ALDH16A1: variants seen among roughly 807,000 people sequenced by gnomAD.
ALDH16A1 encodes the protein aldehyde dehydrogenase 16 family member A1.
A neutral mutation model predicts 96.1 loss-of-function variants in ALDH16A1; 88 were observed. The ratio of observed to expected loss-of-function variants is 0.92; its 90% CI spans 0.77 to 1.09. The LOEUF is 1.09. Ranked by LOEUF, ALDH16A1 falls within the 50% of genes least tolerant of loss-of-function variation. The pLI is 0.00. For missense variants in ALDH16A1, 1,250 were observed against 1,112.6 expected (o/e 1.12, Z -1.76); for synonymous variants, 522 against 496.4 (o/e 1.05, Z -0.69).
At chr19:49,462,420 C>T in intron 7 of ALDH16A1, 150 bp from the exon 8 acceptor site, 1 of 1,035,590 alleles carries the variant, frequency 9.7e-7, no homozygotes, top group Non-Finnish European at 1.4e-6. Flanking sequence ...CAGGTGTGAG[C>T]CACCGCATCC....
In ALDH16A1 at chr19:49,454,022, T is replaced by TTTTTTTGTG. The variant is rs1360770737; in HGVS notation, c.90+607_90+608insGTGTTTTTT. On this transcript the variant is annotated intron_variant, in intron 1 of 16. Coordinates refer to ENST00000293350, the MANE Select transcript of ALDH16A1 (RefSeq NM_153329.4). ...TCAGGACTTCCGGTTTGGGTTGGGT[T>TTTTTTTGTG]TTTTTTTTGTTTTTTTTTTTGAGCC... Among the ~76,000 whole-genome samples the TTTTTTTGTG allele has an allele frequency of 5.3e-4, 38 of 71,570 alleles. 4 individuals carry two copies. Among genetic ancestry groups the TTTTTTTGTG allele is most frequent in the South Asian group, 1.5e-3 (4 of 2,608 alleles). The allele number at this position is 71,570 out of a possible 152,430, so 47.0% of individuals were successfully genotyped here.
Position 49,459,662 on chromosome 19 carries a change from C to A in ALDH16A1, c.321-8C>A. The stretch of plus-strand genomic sequence containing the variant: ...TGGAAAATGAGCACCCTCTTGCTTT[C>A]TCGACAGGCTGGCCGAGGTGATCCA... On this transcript the variant is annotated splice_polypyrimidine_tract_variant and splice_region_variant and intron_variant, in intron 3 of 16. Transcript: ENST00000293350. The surrounding 1 kb of genome is among the most constrained non-coding windows in gnomAD (Gnocchi z 4.1). 1 of 1,601,174 alleles carries A rather than the reference C, an allele frequency of 6.2e-7. No individual in the cohort carries two copies. The highest frequency in any genetic ancestry group is 8.5e-7 in the Non-Finnish European group (1 of 1,173,828).
In ALDH16A1 at chr19:49,468,585, C is replaced by T; in HGVS notation, c.2124+19C>T. On this transcript the variant is annotated intron_variant, in intron 15 of 16. Transcript: ENST00000293350. This position sits in a 1 kb window ranked among gnomAD's most constrained non-coding sequence, Gnocchi z 4.4. ...CTGCCAGGTATAGCCCCCTGCCTTC[C>T]TGCCTCTCCTCCCCGTAGCCTCAGG... 1 of 1,600,010 alleles carries T rather than the reference C, an allele frequency of 6.2e-7. No homozygotes were observed. The highest frequency in any genetic ancestry group is 8.5e-7 in the Non-Finnish European group (1 of 1,178,182).
Position 49,459,685 on chromosome 19 carries a change from C to G in ALDH16A1, c.336C>G (p.Ile112Met). Residue 112 changes from isoleucine to methionine, a missense_variant, in exon 4 of 17, where the codon ATC (isoleucine) becomes ATG (methionine). Ile to Met is a conservative substitution (Grantham distance 10, BLOSUM62 1). Coordinates refer to ENST00000293350, the MANE Select transcript of ALDH16A1 (RefSeq NM_153329.4). The surrounding 1 kb of genome is among the most constrained non-coding windows in gnomAD (Gnocchi z 4.1). ...AQHLTRLAEVIQKHQRLLWTL... is the reference protein window; with the variant it reads ...AQHLTRLAEVMQKHQRLLWTL... The stretch of plus-strand genomic sequence containing the variant: ...TTCTCGACAGGCTGGCCGAGGTGAT[C>G]CAGAAGCACCAGCGGCTGCTGTGGA... The G allele has an allele frequency of 1.2e-6, 2 of 1,607,402 alleles. No homozygotes were observed. Among genetic ancestry groups the G allele is most frequent in the East Asian group, 2.2e-5 (1 of 44,652 alleles).
chr19:49,465,992 G>A (rs138122599), intron 13 of ALDH16A1, 87 bp downstream of exon 13: 3 of 1,544,234 alleles, frequency 1.9e-6, no homozygotes, highest in Non-Finnish European at 1.8e-6. Context: ...GGGAGGCTGG[G>A]CCCCCAGGGT....
chr19:49,468,115 G>A lies in ALDH16A1; in HGVS notation c.1939-266G>A, dbSNP rs1294542590. ...GCGGAGGTTGCAGTGAGCCAAGATC[G>A]CACCACTGCACTCTAGCCAGGGCGA... is the stretch of plus-strand genomic sequence containing the variant. On this transcript the variant is annotated intron_variant, in intron 14 of 16. Coordinates refer to ENST00000293350, the MANE Select transcript of ALDH16A1 (RefSeq NM_153329.4). The surrounding 1 kb of genome is among the most constrained non-coding windows in gnomAD (Gnocchi z 4.4). 6.8e-6 allele frequency among the ~76,000 whole-genome samples: 1 copy of A among 147,610 alleles called. No individual in the cohort carries two copies. The highest frequency in any genetic ancestry group is 1.5e-5 in the Non-Finnish European group (1 of 67,512).
chr19:49,461,825 C>G lies in ALDH16A1; in HGVS notation c.759+25C>G, dbSNP rs374580219. ...GGTACCTTCGGGACAGGGGTCGTGG[C>G]GGAACGCGGCTGGGGGCCGCAAGGC... On this transcript the variant is annotated intron_variant, in intron 6 of 16. Coordinates refer to ENST00000293350, the MANE Select transcript of ALDH16A1 (RefSeq NM_153329.4). 134 of 1,604,836 alleles carry G rather than the reference C, an allele frequency of 8.3e-5. No individual in the cohort carries two copies. In the African/African-American group the frequency reaches 1.6e-3, roughly 19 times the overall value.
chr19:49,462,611 A>T lies in ALDH16A1; in HGVS notation c.954A>T (p.Glu318Asp), dbSNP rs2079159689. The change falls in exon 8 of 17, where the codon GAA becomes GAT. Residue 318 changes from glutamate (E) to aspartate (D), a missense_variant. Transcript: ENST00000293350. ...TCATCCAGGAGTCTGTGTGGGATGAAGCCATGAGACGGCTGCAGGAGCGGA... is the reference window on the plus strand; with the variant it reads ...TCATCCAGGAGTCTGTGTGGGATGATGCCATGAGACGGCTGCAGGAGCGGA... ...RLLIQESVWD[E>D]AMRRLQERMG... 8 of 1,612,988 alleles carry T rather than the reference A, an allele frequency of 5.0e-6. No homozygotes were observed. Among genetic ancestry groups the T allele is most frequent in the Non-Finnish European group, 6.8e-6 (8 of 1,179,978 alleles).
Position 49,461,181 on chromosome 19 carries a change from G to A in ALDH16A1, c.577+282G>A, listed in dbSNP as rs1171047774. On this transcript the variant is annotated intron_variant, in intron 5 of 16. Coordinates refer to ENST00000293350, the MANE Select transcript of ALDH16A1 (RefSeq NM_153329.4). ...CCTGGGTCTGAGGGAGGAGGGGCTG[G>A]GGTCTGGATTCCTGGGTCTGAGGGA... is the stretch of plus-strand genomic sequence containing the variant. Among the ~76,000 whole-genome samples, 38 of 123,444 alleles carry A rather than the reference G, an allele frequency of 3.1e-4. No homozygotes were observed. The highest frequency in any genetic ancestry group is 4.1e-3 in the Middle Eastern group (1 of 244). The allele number at this position is 123,444 out of a possible 152,430, so 81.0% of individuals were successfully genotyped here. A position where few individuals can be genotyped will look rare whatever the true frequency, so the allele number is the denominator to read the frequency against.
Position 49,461,642 on chromosome 19 carries a change from C to G in ALDH16A1, c.601C>G (p.Pro201Ala), listed in dbSNP as rs1341331032. 1 of 1,597,166 alleles carries G rather than the reference C, an allele frequency of 6.3e-7. No individual in the cohort carries two copies. Among genetic ancestry groups the G allele is most frequent in the Non-Finnish European group, 8.5e-7 (1 of 1,172,564 alleles). Residue 201 changes from proline to alanine, a missense_variant, in exon 6 of 17, where the codon CCC becomes GCC. Pro to Ala is a conservative substitution (Grantham distance 27). Coordinates refer to ENST00000293350, the MANE Select transcript of ALDH16A1 (RefSeq NM_153329.4). ...AGGCTGCACCGTGGTGGCCCTCGTG[C>G]CCCCGGCCTCCCCGGCGCCCCTCCT... ...AVGCTVVALVPPASPAPLLLA... is the reference protein window; with the variant it reads ...AVGCTVVALVAPASPAPLLLA...
At position 49,464,155 on chromosome 19, in the gene ALDH16A1, C is replaced by G. The variant is rs761233154; in HGVS notation, c.1223C>G (p.Pro408Arg). ...EVPWPVVVAS[P>R]FRTAKEALLV... The stretch of plus-strand genomic sequence containing the variant: ...CCGTGGCCTGTGGTCGTGGCCTCCC[C>G]CTTCCGCACAGCCAAGGAGGCACTG... Residue 408 changes from proline (P) to arginine (R), a missense_variant, in exon 10 of 17, where the codon CCC (proline) becomes CGC (arginine). By Grantham distance (103) the Pro-to-Arg change is moderately radical. Coordinates refer to ENST00000293350, the MANE Select transcript of ALDH16A1 (RefSeq NM_153329.4). 2.5e-6 allele frequency: 4 copies of G among 1,608,926 alleles called. No individual in the cohort carries two copies. Among genetic ancestry groups the G allele is most frequent in the African/African-American group, 1.3e-5 (1 of 75,014 alleles).
intron 4 of ALDH16A1, 117 bp from the exon 5 acceptor site, chr19:49,460,705 C>G (rs937411209): frequency 5.7e-6 from 5 of 884,354 alleles, no homozygotes; most frequent in Non-Finnish European, 8.8e-6. Flanking sequence ...TGAGCCACCA[C>G]ACCCGGCCAT....
chr19:49,465,748 C>T lies in ALDH16A1; in HGVS notation c.1579C>T (p.Pro527Ser), dbSNP rs764220407. ...CCCACCCTACTCCAGCCCAGCACCC[C>T]CCTATGGGCTCTTCGTTGGGGGCCG... ...GPEIGPSPAP[P>S]YGLFVGGRFQ... Residue 527 changes from proline (P) to serine (S), a missense_variant, in exon 13 of 17, where the codon CCC (proline) becomes TCC (serine). Physicochemically the swap from Pro to Ser is moderately conservative, Grantham distance 74. Coordinates refer to ENST00000293350, the MANE Select transcript of ALDH16A1 (RefSeq NM_153329.4). The T allele has an allele frequency of 3.1e-6, 5 of 1,613,412 alleles. No individual in the cohort carries two copies. Among genetic ancestry groups the T allele is most frequent in the African/African-American group, 2.7e-5 (2 of 74,922 alleles).
In ALDH16A1 at chr19:49,461,724, GTGGCCC is replaced by G. The variant is rs1406728498; in HGVS notation, c.686_691del (p.Gly229_Pro230del). The G allele has an allele frequency of 6.2e-7, 1 of 1,610,100 alleles. No homozygotes were observed. The highest frequency in any genetic ancestry group is 8.5e-7 in the Non-Finnish European group (1 of 1,178,318). Reference sequence around the variant, plus strand: ...TTCCCGGGAATCCTGAATGTCCTCAGTGGCCCTGCGTCCCTGGTGCCCATCCTGGCC... The same window carrying G: ...TTCCCGGGAATCCTGAATGTCCTCAGTGCGTCCCTGGTGCCCATCCTGGCC... On this transcript the variant is annotated inframe_deletion, in exon 6 of 17. Transcript: ENST00000293350.
intron 9 of ALDH16A1, 73 bp downstream of exon 9, chr19:49,464,022 C>T (rs576894102): frequency 1.3e-6 from 2 of 1,577,186 alleles, no homozygotes; most frequent in African/African-American, 1.3e-5. Flanking sequence ...TGGGGAAGCC[C>T]TTGGGGTAAC....
chr19:49,465,732 C>T lies in ALDH16A1; in HGVS notation c.1569-6C>T. 2 of 1,610,842 alleles carry T rather than the reference C, an allele frequency of 1.2e-6. No homozygotes were observed. The highest frequency in any genetic ancestry group is 1.7e-6 in the Non-Finnish European group (2 of 1,177,924). On this transcript the variant is annotated splice_region_variant and splice_polypyrimidine_tract_variant and intron_variant, in intron 12 of 16. Coordinates refer to ENST00000293350, the MANE Select transcript of ALDH16A1 (RefSeq NM_153329.4). ...GGACTCCTCCTCATGTCCCACCCTA[C>T]TCCAGCCCAGCACCCCCCTATGGGC... is the stretch of plus-strand genomic sequence containing the variant.
At chr19:49,464,560 G>T (rs200335556) in intron 11 of ALDH16A1, 38 bp downstream of exon 11, 15 of 1,604,180 alleles carry the variant, frequency 9.4e-6, no homozygotes, top group Non-Finnish European at 1.3e-5. Context: ...CCCCCCCGCC[G>T]CCCCATGCCC....
At chr19:49,466,630 G>T (rs1202317798) in intron 14 of ALDH16A1, among the ~76,000 whole-genome samples, 1 of 152,204 alleles carries the variant, frequency 6.6e-6, no homozygotes, top group African/African-American at 2.4e-5. Context: ...CGAGGCTGAG[G>T]CAGGCGGATC....
chr19:49,470,350 G>A lies in ALDH16A1; in HGVS notation c.2292G>A (p.Pro764=), dbSNP rs745844352. The A allele has an allele frequency of 6.8e-6, 11 of 1,613,206 alleles. No homozygotes were observed. The highest frequency in any genetic ancestry group is 3.3e-5 in the South Asian group (3 of 91,082). The change falls in exon 17 of 17, where the codon CCG becomes CCA. Residue 764 remains proline, a synonymous_variant. Transcript: ENST00000293350. Reference sequence around the variant, plus strand: ...GGGCCTCGGCAGGAAACCTCAAACCGGTGTGGGCGAGCAGGGGCTGCCCGC... The same window carrying A: ...GGGCCTCGGCAGGAAACCTCAAACCAGTGTGGGCGAGCAGGGGCTGCCCGC... The part of the protein sequence containing the change: ...VEWASAGNLK[P]VWASRGCPRA...
Sources: gnomAD v4.1 joint callset for allele counts (sites outside exome capture counted in the v4.1 genomes callset) on GRCh38, gnomAD v4.1.1 for gene constraint, Gnocchi (gnomAD v3.1) non-coding constraint, MANE v1.5 for transcripts, NCBI Gene and HGNC (gene_info 2026-07-23, HGNC 2026-07-21) for gene names.